LRRK2: variants seen among roughly 807,000 people sequenced by gnomAD.
LRRK2 encodes leucine rich repeat kinase 2.
A neutral mutation model predicts 302.6 loss-of-function variants in LRRK2; 203 were observed. The observed-to-expected ratio is 0.67, with a 90% CI of 0.60 to 0.75. The LOEUF is 0.75. Among genes scored for constraint, LRRK2 ranks in the 30% least tolerant of loss-of-function variants. The pLI is 0.00. For synonymous variants in LRRK2, 1,066 were observed against 1,031.9 expected (o/e 1.03, Z -0.63); for missense variants, 2,830 against 2,951.0 (o/e 0.96, Z 0.95).
chr12:40,244,436 T>C (rs1038645231), intron 7 of LRRK2, among the ~76,000 whole-genome samples: 6 of 152,286 alleles, frequency 3.9e-5, no homozygotes, highest in Admixed American at 3.3e-4. Flanking sequence ...TTCTTTCTTA[T>C]TTTATGCTAC....
At chr12:40,360,286 CTAT>C (rs369742281) in intron 47 of LRRK2, among the ~76,000 whole-genome samples, 8 of 151,598 alleles carry the variant, frequency 5.3e-5, no homozygotes, top group African/African-American at 7.3e-5. Flanking sequence ...TAAACATTAG[CTAT>C]TATTATTATT....
At chr12:40,336,277 T>A (rs1485690002) in intron 40 of LRRK2, among the ~76,000 whole-genome samples, 1 of 152,236 alleles carries the variant, frequency 6.6e-6, no homozygotes, top group Non-Finnish European at 1.5e-5. Flanking sequence ...ATTATCTGAA[T>A]CTTTCTGAAT....
intron 3 of LRRK2, among the ~76,000 whole-genome samples, chr12:40,234,274 G>A (rs757090777): frequency 3.3e-5 from 5 of 150,536 alleles, no homozygotes; most frequent in Non-Finnish European, 7.4e-5. Flanking sequence ...ACAATGCTTT[G>A]CAGGAATAGA....
At chr12:40,287,824 C>G (rs541138806) in intron 20 of LRRK2, among the ~76,000 whole-genome samples, 1 of 151,988 alleles carries the variant, frequency 6.6e-6, no homozygotes, top group Admixed American at 6.6e-5. Context: ...TGACTAGATC[C>G]TTTCGTGGCT....
chr12:40,254,520 T>C (rs1942415500), intron 11 of LRRK2, among the ~76,000 whole-genome samples: 1 of 152,180 alleles, frequency 6.6e-6, no homozygotes, highest in Non-Finnish European at 1.5e-5. Flanking sequence ...TAAAGAGGTC[T>C]GGACAGGGAT....
chr12:40,366,850 C>T (rs1333557323), intron 49 of LRRK2, 156 bp from the exon 50 acceptor site: 3 of 581,242 alleles, frequency 5.2e-6, no homozygotes, highest in South Asian at 2.0e-5. Context: ...AAATGCTGGT[C>T]TTTATTCAAT....
chr12:40,300,266 T>C (rs1944576037), intron 25 of LRRK2, among the ~76,000 whole-genome samples: 1 of 152,214 alleles, frequency 6.6e-6, no homozygotes. Context: ...TATTAAAAGT[T>C]GTAGAATCCC....
At chr12:40,273,353 A>G (rs1321055916) in intron 14 of LRRK2, among the ~76,000 whole-genome samples, 1 of 152,180 alleles carries the variant, frequency 6.6e-6, no homozygotes, top group East Asian at 1.9e-4. Flanking sequence ...AAGGGAGACT[A>G]TGTATTATTA....
In LRRK2 at chr12:40,278,079, C is replaced by T. The variant is rs199905530; in HGVS notation, c.2071-12C>T. 3.7e-6 allele frequency: 6 copies of T among 1,613,918 alleles called. No homozygotes were observed. Among genetic ancestry groups the T allele is most frequent in the Non-Finnish European group, 5.1e-6 (6 of 1,179,994 alleles). On this transcript the variant is annotated splice_polypyrimidine_tract_variant and intron_variant, in intron 17 of 50. Transcript: ENST00000298910. ...TTTATCTGACTCTAATTCTCATTTC[C>T]ACTCTTTTTAGTTTCTAAACCTCTG...
At chr12:40,353,400 G>A (rs1946427870) in intron 44 of LRRK2, among the ~76,000 whole-genome samples, 1 of 151,802 alleles carries the variant, frequency 6.6e-6, no homozygotes, top group African/African-American at 2.4e-5. Flanking sequence ...GCAGGGCAGA[G>A]GCGCTCCCCA....
chr12:40,293,467 G>T, intron 20 of LRRK2, 78 bp from the exon 21 acceptor site: 1 of 884,428 alleles, frequency 1.1e-6, no homozygotes, highest in Non-Finnish European at 1.8e-6. Context: ...TTCCATGATT[G>T]AACTATGATA....
At chr12:40,232,491 T>A in intron 3 of LRRK2, 108 bp downstream of exon 3, 1 of 796,596 alleles carries the variant, frequency 1.3e-6, no homozygotes, top group Non-Finnish European at 2.2e-6. Flanking sequence ...TCCTGTGGAA[T>A]TCTTTAAAAT....
chr12:40,310,587 G>A lies in LRRK2; in HGVS notation c.4474G>A (p.Glu1492Lys). 1.9e-6 allele frequency: 3 copies of A among 1,612,310 alleles called. No homozygotes were observed. The South Asian group carries it at 3.3e-5, about 18-fold the overall frequency. ...AGATTACCACTTTGTGAATGCCACC[G>A]AGGAATCTGATGCTTTGGCAAAACT... is the stretch of plus-strand genomic sequence containing the variant. ...IRDYHFVNAT[E>K]ESDALAKLRK... Residue 1492 changes from glutamate (E) to lysine (K), a missense_variant, in exon 31 of 51, where the codon GAG becomes AAG. By Grantham distance (56) the Glu-to-Lys change is moderately conservative (BLOSUM62 1). Transcript: ENST00000298910.
At chr12:40,317,152 C>G (rs374857674) in intron 33 of LRRK2, among the ~76,000 whole-genome samples, 1 of 151,976 alleles carries the variant, frequency 6.6e-6, no homozygotes, top group African/African-American at 2.4e-5. Flanking sequence ...GAAAGTTCTT[C>G]TCATTAGCAT....
chr12:40,266,763 CAAT>C lies in LRRK2; in HGVS notation c.1656+2863_1656+2865del, dbSNP rs565023532. 7.6e-3 allele frequency among the ~76,000 whole-genome samples: 1,152 copies of C among 152,094 alleles called. 17 individuals carry two copies. Among genetic ancestry groups the C allele is most frequent in the African/African-American group, 0.026 (1,097 of 41,454 alleles). On this transcript the variant is annotated intron_variant, in intron 14 of 50. Transcript: ENST00000298910. ...ACTTGGAACCAACCCAAATGTCCAA[CAAT>C]GATAGACTGGATTAAGAAAATGTGG...
chr12:40,278,388 ATTGT>A (rs1415657272), intron 18 of LRRK2, 127 bp downstream of exon 18: 21 of 1,164,446 alleles, frequency 1.8e-5, no homozygotes, highest in Non-Finnish European at 2.4e-5. Context: ...GTTTATTGCA[ATTGT>A]TTGTGTCTTG....
rs1491002448 is a variant in LRRK2, at chr12:40,319,981, C to A, written c.4828-7C>A. 1.2e-6 allele frequency: 2 copies of A among 1,605,876 alleles called. No homozygotes were observed. Among genetic ancestry groups the A allele is most frequent in the South Asian group, 1.1e-5 (1 of 89,478 alleles). Reference sequence around the variant, plus strand: ...TTTAGTGATTATTTATGACTCGAATCTTTCAGATTTTGACAGTGAAAGTGG... The same window carrying A: ...TTTAGTGATTATTTATGACTCGAATATTTCAGATTTTGACAGTGAAAGTGG... On this transcript the variant is annotated splice_polypyrimidine_tract_variant and splice_region_variant and intron_variant, in intron 33 of 50. Coordinates refer to ENST00000298910, the MANE Select transcript of LRRK2 (RefSeq NM_198578.4).
At chr12:40,345,261 A>G (rs1946157222) in intron 41 of LRRK2, among the ~76,000 whole-genome samples, 1 of 152,214 alleles carries the variant, frequency 6.6e-6, no homozygotes, top group Non-Finnish European at 1.5e-5. Flanking sequence ...ATTTCTTCCT[A>G]GATTTTAATT....
Position 40,351,655 on chromosome 12 carries a change from C to A in LRRK2, c.6498C>A (p.Ser2166Arg), listed in dbSNP as rs1946357523. Reference sequence around the variant, plus strand: ...CACATCACAACAGCAGGAATGCAAGCATTTGGCTGGGCTGTGGGCACACCG... The same window carrying A: ...CACATCACAACAGCAGGAATGCAAGAATTTGGCTGGGCTGTGGGCACACCG... ...VATHHNSRNASIWLGCGHTDR... is the reference protein window; with the variant it reads ...VATHHNSRNARIWLGCGHTDR... Residue 2166 changes from serine to arginine, a missense_variant, in exon 44 of 51, where the codon AGC becomes AGA. Around this residue, in one of 3 missense-constraint regions of LRRK2, gnomAD observed 456 missense variants for 456.3 expected, o/e 1.00. Coordinates refer to ENST00000298910, the MANE Select transcript of LRRK2 (RefSeq NM_198578.4). The A allele has an allele frequency of 1.9e-6, 3 of 1,614,154 alleles. No homozygotes were observed. The highest frequency in any genetic ancestry group is 2.5e-6 in the Non-Finnish European group (3 of 1,180,028).
Sources: allele counts gnomAD v4.1 joint callset (sites outside exome capture counted in the v4.1 genomes callset), GRCh38; gene constraint gnomAD v4.1.1; regional missense constraint gnomAD v4.1.1; transcripts MANE v1.5; gene names NCBI Gene and HGNC (gene_info 2026-07-23, HGNC 2026-07-21).